Variants in AKAP13 observed in about 807,000 individuals in gnomAD.
The protein encoded by AKAP13 is A-kinase anchor protein 13.
AKAP13 carries 80 observed loss-of-function variants against 264.5 expected under a neutral mutation model. That is an observed-to-expected ratio of 0.30 (90% CI 0.25 to 0.36). AKAP13 has a LOEUF of 0.36. Among genes scored for constraint, AKAP13 ranks in the 10% least tolerant of loss-of-function variants. The pLI, the probability that AKAP13 is intolerant of heterozygous loss-of-function variation, is 1.00. For synonymous variants in AKAP13, 1,380 were observed against 1,250.2 expected, an observed-to-expected ratio of 1.10 and a Z score of -2.19; for missense variants, 3,712 against 3,435.2, an observed-to-expected ratio of 1.08 and a Z score of -2.01.
chr15:85,605,217 C>T (rs1479718971), intron 8 of AKAP13, among the ~76,000 whole-genome samples: 2 of 152,108 alleles, frequency 1.3e-5, no homozygotes, highest in Non-Finnish European at 2.9e-5. Context: ...GAATAATTTA[C>T]CATTTTGTGG....
chr15:85,681,702 T>C (rs2084608694), intron 14 of AKAP13, among the ~76,000 whole-genome samples: 1 of 118,038 alleles, frequency 8.5e-6, no homozygotes, highest in South Asian at 2.5e-4. Flanking sequence ...CTAGCAATTC[T>C]CATGAAAATA....
intron 5 of AKAP13, among the ~76,000 whole-genome samples, chr15:85,562,356 G>A (rs2078411752): frequency 6.6e-6 from 1 of 151,750 alleles, no homozygotes; most frequent in Non-Finnish European, 1.5e-5. Flanking sequence ...CCTGAGGTCA[G>A]GAGTTTGAGA....
At chr15:85,631,717 T>C (rs1052821970) in intron 8 of AKAP13, among the ~76,000 whole-genome samples, 22 of 152,204 alleles carry the variant, frequency 1.4e-4, no homozygotes, top group African/African-American at 4.8e-4. Context: ...GATGTTAACG[T>C]TGGAGAAACC....
chr15:85,631,496 TCTCTCTCA>T (rs1182579108), intron 8 of AKAP13, among the ~76,000 whole-genome samples: 21 of 64,704 alleles, frequency 3.2e-4, no homozygotes, highest in African/African-American at 1.1e-3. Context: ...TCTCTCTCTC[TCTCTCTCA>T]CACACACACA....
At chr15:85,541,744 A>G (rs2151208788) in intron 4 of AKAP13, among the ~76,000 whole-genome samples, 1 of 152,320 alleles carries the variant, frequency 6.6e-6, no homozygotes, top group African/African-American at 2.4e-5. Context: ...GAATGGAAAA[A>G]GTTGACATAA....
At chr15:85,496,149 G>T (rs1440831562) in intron 2 of AKAP13, among the ~76,000 whole-genome samples, 1 of 152,128 alleles carries the variant, frequency 6.6e-6, no homozygotes, top group Non-Finnish European at 1.5e-5. Flanking sequence ...CAGGGTGGAT[G>T]GTAGGGTTCG....
At chr15:85,554,221 G>A (rs1409547975) in intron 5 of AKAP13, among the ~76,000 whole-genome samples, 1 of 151,936 alleles carries the variant, frequency 6.6e-6, no homozygotes, top group Non-Finnish European at 1.5e-5. Context: ...TCTCTTATAG[G>A]CCTCAGTTTC....
chr15:85,609,103 G>A (rs893620567), intron 8 of AKAP13, among the ~76,000 whole-genome samples: 7 of 152,062 alleles, frequency 4.6e-5, no homozygotes, highest in Admixed American at 2.0e-4. Flanking sequence ...CACCTCAAAC[G>A]TTAATTATTT....
chr15:85,625,326 A>T (rs1362827048), intron 8 of AKAP13, among the ~76,000 whole-genome samples: 1 of 152,198 alleles, frequency 6.6e-6, no homozygotes, highest in Non-Finnish European at 1.5e-5. Flanking sequence ...AATTATTTGC[A>T]TTGCCAACAC....
intron 12 of AKAP13, among the ~76,000 whole-genome samples, chr15:85,661,340 T>C (rs543563375): frequency 6.6e-6 from 1 of 152,330 alleles, no homozygotes; most frequent in Non-Finnish European, 1.5e-5. Context: ...GATGGATTTT[T>C]TTTATCTTGT....
At chr15:85,738,795 G>A (rs888646212) in intron 33 of AKAP13, among the ~76,000 whole-genome samples, 1 of 139,076 alleles carries the variant, frequency 7.2e-6, no homozygotes, top group African/African-American at 2.8e-5. Context: ...CCGAGATTGC[G>A]CCACTGCAGT....
rs1479610915 is a variant in AKAP13, at chr15:85,515,525, G to A, written c.34-5903G>A. On this transcript the variant is annotated intron_variant, in intron 2 of 36. Transcript: ENST00000394518. ...TCATTCAGATTTTGCAAGTTGTCCC[G>A]ATAATATCCTTAATAGCAGCTTGTT... Among the ~76,000 whole-genome samples, 2 of 138,766 alleles carry A rather than the reference G, an allele frequency of 1.4e-5. 1 individual carries two copies. The highest frequency in any genetic ancestry group is 3.1e-5 in the Non-Finnish European group (2 of 64,780). The allele number at this position is 138,766 out of a possible 152,430, so 91.0% of individuals were successfully genotyped here. A position where few individuals can be genotyped will look rare whatever the true frequency, so the allele number is the denominator to read the frequency against.
chr15:85,652,810 C>G (rs1196987014), intron 10 of AKAP13, among the ~76,000 whole-genome samples: 1 of 152,170 alleles, frequency 6.6e-6, no homozygotes, highest in African/African-American at 2.4e-5. Flanking sequence ...CCAATCTCTC[C>G]TCTGCCTTCA....
At chr15:85,627,261 C>T (rs929600998) in intron 8 of AKAP13, among the ~76,000 whole-genome samples, 1 of 152,182 alleles carries the variant, frequency 6.6e-6, no homozygotes, top group Non-Finnish European at 1.5e-5. Flanking sequence ...TCAAACTCAA[C>T]ATGGGCAAAT....
intron 2 of AKAP13, among the ~76,000 whole-genome samples, chr15:85,520,312 C>T (rs369764059): frequency 1.4e-4 from 21 of 151,844 alleles, no homozygotes; most frequent in East Asian, 3.9e-4. Flanking sequence ...CTGGCCAACA[C>T]GGCGAAACCT....
At chr15:85,421,655 C>G (rs969469848) in intron 1 of AKAP13, among the ~76,000 whole-genome samples, 15 of 152,230 alleles carry the variant, frequency 9.9e-5, no homozygotes, top group African/African-American at 3.6e-4. Flanking sequence ...AATATTCACT[C>G]TTGTCCAGAT....
In AKAP13 at chr15:85,613,691, A is replaced by AAAATAT. The variant is rs1313187436; in HGVS notation, c.4162-25682_4162-25681insAATATA. On this transcript the variant is annotated intron_variant, in intron 8 of 36. Transcript: ENST00000394518. ...GCCAGACTCCGTCTAAAAAAAAAAAAATATATATATATATATATATATTAG... is the reference window on the plus strand; with the variant it reads ...GCCAGACTCCGTCTAAAAAAAAAAAAAAATATATATATATATATATATATATATTAG... Among the ~76,000 whole-genome samples, 8 of 91,966 alleles carry AAAATAT rather than the reference A, an allele frequency of 8.7e-5. 1 individual carries two copies. The highest frequency in any genetic ancestry group is 7.3e-4 in the South Asian group (2 of 2,748). 60.3% of individuals were successfully genotyped at this position (91,966 alleles called of 152,430 possible).
At chr15:85,602,499 T>A (rs764832255) in intron 8 of AKAP13, among the ~76,000 whole-genome samples, 24 of 149,324 alleles carry the variant, frequency 1.6e-4, no homozygotes, top group Middle Eastern at 3.5e-3. Context: ...ATATATATAT[T>A]TTTTTGAAAC....
At chr15:85,453,762 C>A (rs999758863) in intron 1 of AKAP13, among the ~76,000 whole-genome samples, 1 of 151,968 alleles carries the variant, frequency 6.6e-6, no homozygotes, top group Non-Finnish European at 1.5e-5. Context: ...CCCCTTCCTC[C>A]GGAAGCTTTG....
Sources: gnomAD v4.1 joint callset for allele counts (sites outside exome capture counted in the v4.1 genomes callset) on GRCh38, gnomAD v4.1.1 for gene constraint, MANE v1.5 for transcripts, NCBI Gene and HGNC (gene_info 2026-07-23, HGNC 2026-07-21) for gene names.